The following ZNF33A variants were observed in gnomAD, a reference collection of about 807,000 sequenced individuals.
ZNF33A encodes brain my041 protein.
A neutral mutation model predicts 15.9 loss-of-function variants in ZNF33A; 9 were observed. The observed-to-expected ratio is 0.57, with a 90% CI of 0.34 to 0.99. ZNF33A has a LOEUF of 0.99. Ranked by LOEUF, ZNF33A falls within the 50% of genes least tolerant of loss-of-function variation. The pLI is 0.02. For missense variants in ZNF33A, 843 were observed against 941.6 expected, an observed-to-expected ratio of 0.90 and a Z score of 1.37; for synonymous variants, 294 against 324.2, an observed-to-expected ratio of 0.91 and a Z score of 1.00.
chr10:38,039,771 C>CT (rs139048375), intron 4 of ZNF33A, among the ~76,000 whole-genome samples: 2 of 151,592 alleles, frequency 1.3e-5, no homozygotes, highest in African/African-American at 4.8e-5. Context: ...CCTTCTCTCT[C>CT]TTTTTTTTCT....
chr10:38,061,434 A>C (rs2066652570), downstream of ZNF33A, among the ~76,000 whole-genome samples: 1 of 152,160 alleles, frequency 6.6e-6, no homozygotes, highest in Non-Finnish European at 1.5e-5. Context: ...TAATCTCTGT[A>C]ACTCTCCTGC....
At chr10:38,041,984 G>C (rs968735576) in intron 4 of ZNF33A, among the ~76,000 whole-genome samples, 4 of 152,052 alleles carry the variant, frequency 2.6e-5, no homozygotes, top group African/African-American at 9.7e-5. Context: ...ACCTCAACAG[G>C]CCCCAGTGTG....
Position 38,058,141 on chromosome 10 carries a change from A to G in ZNF33A, c.*1581A>G. 1.3e-6 allele frequency: 1 copy of G among 798,660 alleles called. No individual in the cohort carries two copies. The highest frequency in any genetic ancestry group is 1.5e-6 in the Non-Finnish European group (1 of 659,510). The allele number at this position is 798,660 out of a possible 1,614,324, so 49.5% of individuals were successfully genotyped here. On this transcript the variant is annotated 3_prime_UTR_variant, in exon 5 of 5. Coordinates refer to ENST00000432900, the MANE Select transcript of ZNF33A (RefSeq NM_006954.2). ...AAATTAAATCCAAAGTAACCTGAAA[A>G]AACATTAGAGTAAAAATCATTGAAA...
chr10:38,050,003 T>C (rs1027471599), intron 4 of ZNF33A, among the ~76,000 whole-genome samples: 1 of 152,184 alleles, frequency 6.6e-6, no homozygotes, highest in African/African-American at 2.4e-5. Flanking sequence ...CTACTACTGC[T>C]TACTTCAAAA....
intron 4 of ZNF33A, among the ~76,000 whole-genome samples, chr10:38,028,278 A>T (rs1402975310): frequency 1.3e-5 from 2 of 152,100 alleles, no homozygotes; most frequent in Non-Finnish European, 2.9e-5. Flanking sequence ...AAATAAATAA[A>T]TAAATAAAAT....
intron 4 of ZNF33A, among the ~76,000 whole-genome samples, chr10:38,050,478 C>T (rs1237004149): frequency 3.3e-5 from 5 of 152,324 alleles, no homozygotes; most frequent in South Asian, 2.1e-4. Context: ...TCTTGAAGTT[C>T]TTCACAGTTT....
At position 38,055,249 on chromosome 10, in the gene ZNF33A, T is replaced by C. The variant is rs376719088; in HGVS notation, c.1125T>C (p.His375=). 2.5e-6 allele frequency: 4 copies of C among 1,613,970 alleles called. No homozygotes were observed. The African/African-American group carries it at 5.3e-5, about 22-fold the overall frequency. Residue 375 remains histidine (H), a synonymous_variant, in exon 5 of 5, where the codon CAT becomes CAC. Coordinates refer to ENST00000432900, the MANE Select transcript of ZNF33A (RefSeq NM_006954.2). ...GGGATAAGTCAAACCTCACTAAACA[T>C]CAAAGATCACACACAGGGGAGAAAC... is the stretch of plus-strand genomic sequence containing the variant. ...AFWDKSNLTK[H]QRSHTGEKPF...
chr10:38,067,452 G>A (rs1391283840), downstream of ZNF33A, among the ~76,000 whole-genome samples: 4 of 152,166 alleles, frequency 2.6e-5, no homozygotes, highest in Admixed American at 1.3e-4. Context: ...CTTTTGACTC[G>A]AGTTCAAGAC....
rs771215302 is a variant in ZNF33A at position 38,058,080 on chromosome 10, T to G, written c.*1520T>G. 3.1e-4 allele frequency: 302 copies of G among 979,714 alleles called. No individual in the cohort carries two copies. Among genetic ancestry groups the G allele is most frequent in the Non-Finnish European group, 3.4e-4 (279 of 824,902 alleles). The allele number at this position is 979,714 out of a possible 1,614,324, so 60.7% of individuals were successfully genotyped here. ...GTGATCCTAGATTACACAAGTAATC[T>G]AAGCTTCCACTTTAGGAAACTAGAA... On this transcript the variant is annotated 3_prime_UTR_variant, in exon 5 of 5. Coordinates refer to ENST00000432900, the MANE Select transcript of ZNF33A (RefSeq NM_006954.2).
chr10:38,045,165 A>G (rs539639944), intron 4 of ZNF33A, among the ~76,000 whole-genome samples: 10 of 152,264 alleles, frequency 6.6e-5, no homozygotes, highest in African/African-American at 1.7e-4. Flanking sequence ...TGGTTCCTCT[A>G]TTCTCTCTAG....
chr10:38,013,634 T>C (rs2064304018), intron 2 of ZNF33A, among the ~76,000 whole-genome samples: 1 of 151,946 alleles, frequency 6.6e-6, no homozygotes, highest in African/African-American at 2.4e-5. Flanking sequence ...AATTTTTGTA[T>C]TTTTAGTAGA....
At chr10:38,042,189 C>CTT (rs565727738) in intron 4 of ZNF33A, among the ~76,000 whole-genome samples, 8,934 of 146,756 alleles carry the variant, frequency 0.061, 338 homozygotes, top group Middle Eastern at 0.094. Flanking sequence ...GTTCCTCTGT[C>CTT]TTTTTTTTTT....
rs138643547 is a variant in ZNF33A, at chr10:38,054,714, G to A, written c.590G>A (p.Arg197Lys). Residue 197 changes from arginine (R) to lysine (K), a missense_variant, in exon 5 of 5, where the codon AGG (arginine) becomes AAG (lysine). Physicochemically the swap from Arg to Lys is conservative, Grantham distance 26. Transcript: ENST00000432900. ...TQEKNEVLKN[R>K]NTLSHHEETL... ...GAGAAAAATGAAGTTTTGAAAAATA[G>A]GAACACACTGAGTCATCATGAGGAG... 1.2e-6 allele frequency: 2 copies of A among 1,613,740 alleles called. No individual in the cohort carries two copies. Among genetic ancestry groups the A allele is most frequent in the Non-Finnish European group, 1.7e-6 (2 of 1,179,928 alleles).
At chr10:38,054,271 C>A in intron 4 of ZNF33A, 104 bp from the exon 5 acceptor site, 1 of 1,253,690 alleles carries the variant, frequency 8.0e-7, no homozygotes, top group Non-Finnish European at 1.1e-6. Flanking sequence ...TGGAAACTGG[C>A]CAAAAAACCA....
intron 3 of ZNF33A, 135 bp from the exon 4 acceptor site, chr10:38,017,156 G>C: frequency 7.3e-7 from 1 of 1,369,342 alleles, no homozygotes. Flanking sequence ...CTGAGTACCA[G>C]AAGATACTTG....
chr10:38,047,649 A>AAAAAAG (rs2066010833), intron 4 of ZNF33A, among the ~76,000 whole-genome samples: 7 of 111,540 alleles, frequency 6.3e-5, no homozygotes, highest in South Asian at 3.5e-4. Context: ...AAAAAAAAAA[A>AAAAAAG]AAAAAAAAAA....
At chr10:38,012,489 T>G in intron 2 of ZNF33A, 139 bp downstream of exon 2, 1 of 1,033,254 alleles carries the variant, frequency 9.7e-7, no homozygotes, top group Admixed American at 2.7e-5. Flanking sequence ...TGGAGTACAA[T>G]GTCCCCATCT....
At chr10:38,027,351 T>C (rs2065029533) in intron 4 of ZNF33A, among the ~76,000 whole-genome samples, 1 of 152,004 alleles carries the variant, frequency 6.6e-6, no homozygotes, top group African/African-American at 2.4e-5. Context: ...ATTTATTCAT[T>C]TGCATTTGTA....
chr10:38,025,437 A>G (rs2064939685), intron 4 of ZNF33A, among the ~76,000 whole-genome samples: 2 of 152,208 alleles, frequency 1.3e-5, no homozygotes, highest in Admixed American at 6.5e-5. Context: ...TTAAGTCATG[A>G]GAGTGGGGCC....
Sources: allele counts gnomAD v4.1 joint callset (sites outside exome capture counted in the v4.1 genomes callset), GRCh38; gene constraint gnomAD v4.1.1; transcripts MANE v1.5; gene names NCBI Gene and HGNC (gene_info 2026-07-23, HGNC 2026-07-21).